MPRIP: variants seen among roughly 807,000 people sequenced by gnomAD.
The protein encoded by MPRIP is myosin phosphatase Rho interacting protein, also known as myosin phosphatase Rho-interacting protein.
A neutral mutation model predicts 234.9 loss-of-function variants in MPRIP; 59 were observed. That is an observed-to-expected ratio of 0.25 (90% CI 0.20 to 0.31). MPRIP has a LOEUF of 0.31. Ranked by LOEUF, MPRIP falls within the 10% of genes least tolerant of loss-of-function variation. The probability of loss-of-function intolerance (pLI) is 1.00; values close to 1 mark genes in which losing one functional copy is unlikely to be tolerated. For missense variants in MPRIP, 2,436 were observed against 3,071.0 expected, an observed-to-expected ratio of 0.79 and a Z score of 4.89; for synonymous variants, 1,144 against 1,263.9, an observed-to-expected ratio of 0.91 and a Z score of 2.01.
chr17:17,175,439 G>A, intron 20 of MPRIP, 27 bp downstream of exon 20: 1 of 1,578,422 alleles, frequency 6.3e-7, no homozygotes, highest in Non-Finnish European at 8.6e-7. Flanking sequence ...GGCCCTGCCT[G>A]ACTCAGCTCT....
intron 3 of MPRIP, among the ~76,000 whole-genome samples, chr17:17,083,639 G>T (rs919238414): frequency 6.6e-6 from 1 of 152,200 alleles, no homozygotes; most frequent in African/African-American, 2.4e-5. Flanking sequence ...TGCTCCCTAA[G>T]CCATTTTTTT....
chr17:17,167,178 C>A lies in MPRIP; in HGVS notation c.5587C>A (p.Leu1863Ile). Reference protein sequence around the residue: ...CRIRLEYEKELQLCKESWQTR... With the variant: ...CRIRLEYEKEIQLCKESWQTR... ...AATCCGGCTAGAATATGAGAAGGAG[C>A]TCCAGCTCTGCAAGGAGTCCTGGCA... Residue 1863 changes from leucine (L) to isoleucine (I), a missense_variant, in exon 16 of 24, where the codon CTC becomes ATC. Coordinates refer to ENST00000651222, the MANE Select transcript of MPRIP (RefSeq NM_001364716.4). The surrounding 1 kb of genome is among the most constrained non-coding windows in gnomAD (Gnocchi z 5.9). The A allele has an allele frequency of 7.7e-7, 1 of 1,304,104 alleles. No individual in the cohort carries two copies. The highest frequency in any genetic ancestry group is 1.0e-6 in the Non-Finnish European group (1 of 988,942). The allele number at this position is 1,304,104 out of a possible 1,614,324, so 80.8% of individuals were successfully genotyped here.
At chr17:17,129,492 C>T (rs983350519) in intron 4 of MPRIP, among the ~76,000 whole-genome samples, 1 of 152,190 alleles carries the variant, frequency 6.6e-6, no homozygotes, top group African/African-American at 2.4e-5. Flanking sequence ...TCATCTATTC[C>T]TGGACCCTGC....
intron 4 of MPRIP, among the ~76,000 whole-genome samples, chr17:17,129,897 C>T (rs550737186): frequency 2.0e-5 from 3 of 152,352 alleles, no homozygotes; most frequent in African/African-American, 7.2e-5. Flanking sequence ...AAAGGCAAAC[C>T]TCTTTAATCC....
chr17:17,070,177 T>TC (rs1179010026), intron 1 of MPRIP, among the ~76,000 whole-genome samples: 1 of 152,064 alleles, frequency 6.6e-6, no homozygotes, highest in Non-Finnish European at 1.5e-5. Flanking sequence ...GCTTTTGAGA[T>TC]TTTTTTTCTC....
intron 20 of MPRIP, among the ~76,000 whole-genome samples, chr17:17,175,918 C>T (rs1348694076): frequency 2.6e-5 from 4 of 152,234 alleles, no homozygotes; most frequent in Admixed American, 2.6e-4. Flanking sequence ...TGGCTTTGAG[C>T]TTTGTCTCTG....
chr17:17,042,980 C>T lies in MPRIP; in HGVS notation c.123+9C>T. On this transcript the variant is annotated intron_variant, in intron 1 of 23. Transcript: ENST00000651222. ...ACGAGGACCTGACGCAGGTGAGCGA[C>T]TGGGGCCGGCCCGGACACCTCCGTT... The T allele has an allele frequency of 6.2e-7, 1 of 1,608,868 alleles. No individual in the cohort carries two copies. Among genetic ancestry groups the T allele is most frequent in the East Asian group, 2.2e-5 (1 of 44,622 alleles).
At chr17:17,081,759 G>A (rs2089467269) in intron 3 of MPRIP, among the ~76,000 whole-genome samples, 1 of 152,222 alleles carries the variant, frequency 6.6e-6, no homozygotes, top group African/African-American at 2.4e-5. Context: ...GCCTCTCCAG[G>A]CAGCCCTGAG....
In MPRIP at chr17:17,185,000, C is replaced by G; in HGVS notation, c.*106C>G. On this transcript the variant is annotated 3_prime_UTR_variant, in exon 24 of 24. Transcript: ENST00000651222. ...TGTTTTATTATTATTATTATTATTG[C>G]TGTTGTTGTCATCGTTAACTGTGGG... 4.0e-6 allele frequency: 3 copies of G among 752,038 alleles called. No individual in the cohort carries two copies. The highest frequency in any genetic ancestry group is 6.8e-6 in the Non-Finnish European group (3 of 438,306). The allele number at this position is 752,038 out of a possible 1,614,324, so 46.6% of individuals were successfully genotyped here. A position where few individuals can be genotyped will look rare whatever the true frequency, so the allele number is the denominator to read the frequency against.
rs116160386 is a variant in MPRIP at position 17,166,556 on chromosome 17, A to G, written c.4965A>G (p.Pro1655=). The change falls in exon 16 of 24, where the codon CCA becomes CCG. Residue 1655 remains proline (P), a synonymous_variant. Coordinates refer to ENST00000651222, the MANE Select transcript of MPRIP (RefSeq NM_001364716.4). This position sits in a 1 kb window ranked among gnomAD's most constrained non-coding sequence, Gnocchi z 4.4. ...CAGGAGACGGGCAGCAAAGCATCCCACAGGGCCTGGCCCCCATCCTGGCCA... is the reference window on the plus strand; with the variant it reads ...CAGGAGACGGGCAGCAAAGCATCCCGCAGGGCCTGGCCCCCATCCTGGCCA... The part of the protein sequence containing the change: ...GASGDGQQSI[P]QGLAPILANA... The G allele has an allele frequency of 1.2e-3, 1,580 of 1,304,238 alleles. 17 individuals are homozygous for G. In the African/African-American group the frequency reaches 0.022, roughly 18 times the overall value. 80.8% of individuals were successfully genotyped at this position (1,304,238 alleles called of 1,614,324 possible). A position where few individuals can be genotyped will look rare whatever the true frequency, so the allele number is the denominator to read the frequency against.
chr17:17,128,216 C>G (rs534847569), intron 4 of MPRIP, among the ~76,000 whole-genome samples: 1 of 152,022 alleles, frequency 6.6e-6, no homozygotes, highest in Admixed American at 6.5e-5. Flanking sequence ...GGTGGCTTCC[C>G]TAGGAAACCC....
intron 1 of MPRIP, among the ~76,000 whole-genome samples, chr17:17,074,383 G>C (rs948116799): frequency 1.3e-5 from 2 of 152,216 alleles, no homozygotes; most frequent in East Asian, 1.9e-4. Context: ...CTGGGGAGTG[G>C]GGACTCTGTG....
In MPRIP at chr17:17,166,380, A is replaced by G; in HGVS notation, c.4789A>G (p.Ile1597Val). The G allele has an allele frequency of 7.7e-7, 1 of 1,304,476 alleles. No individual in the cohort carries two copies. Among genetic ancestry groups the G allele is most frequent in the Non-Finnish European group, 1.0e-6 (1 of 988,994 alleles). 80.8% of individuals were successfully genotyped at this position (1,304,476 alleles called of 1,614,324 possible). The part of the protein sequence containing the change: ...TSDVSRMLHE[I>V]SWSGQPPMES... ...AGATGTCTCCCGAATGCTCCATGAGATTTCTTGGTCAGGACAGCCACCGAT... is the reference window on the plus strand; with the variant it reads ...AGATGTCTCCCGAATGCTCCATGAGGTTTCTTGGTCAGGACAGCCACCGAT... The change falls in exon 16 of 24, where the codon ATT (isoleucine) becomes GTT (valine). Residue 1597 changes from isoleucine to valine, a missense_variant. Physicochemically the swap from Ile to Val is conservative, Grantham distance 29. Coordinates refer to ENST00000651222, the MANE Select transcript of MPRIP (RefSeq NM_001364716.4). This position sits in a 1 kb window ranked among gnomAD's most constrained non-coding sequence, Gnocchi z 4.4.
At chr17:17,172,332 A>G (rs1276003145) in intron 17 of MPRIP, among the ~76,000 whole-genome samples, 1 of 152,244 alleles carries the variant, frequency 6.6e-6, no homozygotes, top group Admixed American at 6.5e-5. Flanking sequence ...TCGCCACCTC[A>G]GTGGTTTGTT....
chr17:17,067,728 G>T (rs902304024), intron 1 of MPRIP, among the ~76,000 whole-genome samples: 3 of 147,778 alleles, frequency 2.0e-5, no homozygotes, highest in African/African-American at 7.5e-5. Flanking sequence ...TGGTTTTGGT[G>T]TCAGGGTAAC....
chr17:17,056,348 T>C (rs1243432825), intron 1 of MPRIP, among the ~76,000 whole-genome samples: 2 of 152,334 alleles, frequency 1.3e-5, no homozygotes, highest in East Asian at 1.9e-4. Context: ...AATGGCGTCA[T>C]GTTCCAAAAA....
intron 7 of MPRIP, chr17:17,141,765 C>T (rs967527801): frequency 2.6e-5 from 4 of 152,580 alleles, no homozygotes; most frequent in African/African-American, 9.6e-5. Flanking sequence ...CGCCAGGTAA[C>T]TTAGGTGCCC....
At chr17:17,074,938 T>C (rs187945346) in intron 1 of MPRIP, among the ~76,000 whole-genome samples, 1 of 152,334 alleles carries the variant, frequency 6.6e-6, no homozygotes, top group East Asian at 1.9e-4. Flanking sequence ...ATAATACTGC[T>C]ATGAACATTC....
chr17:17,058,061 G>A (rs2088760236), intron 1 of MPRIP: 1 of 251,622 alleles, frequency 4.0e-6, no homozygotes, highest in Non-Finnish European at 7.7e-6. Flanking sequence ...TTTAGGGGTG[G>A]GAGCCGAGGC....
Sources: allele counts gnomAD v4.1 joint callset (sites outside exome capture counted in the v4.1 genomes callset), GRCh38; gene constraint gnomAD v4.1.1; non-coding constraint Gnocchi (gnomAD v3.1); transcripts MANE v1.5; gene names NCBI Gene and HGNC (gene_info 2026-07-23, HGNC 2026-07-21).